SLC28A1: variants seen among roughly 807,000 people sequenced by gnomAD.
SLC28A1 encodes the protein sodium/nucleoside cotransporter 1.
In SLC28A1, 64 loss-of-function variants were observed where a neutral mutation model predicts 74.8. The observed-to-expected ratio is 0.86, with a 90% CI of 0.70 to 1.05. The LOEUF is 1.05. Among genes scored for constraint, SLC28A1 ranks in the 50% least tolerant of loss-of-function variants. The pLI is 0.00. For synonymous variants in SLC28A1, 359 were observed against 335.0 expected, an observed-to-expected ratio of 1.07 and a Z score of -0.78; for missense variants, 828 against 822.8, an observed-to-expected ratio of 1.01 and a Z score of -0.08.
At chr15:84,934,158 GACAA>G (rs991242559) in intron 13 of SLC28A1, among the ~76,000 whole-genome samples, 17 of 152,176 alleles carry the variant, frequency 1.1e-4, no homozygotes, top group African/African-American at 4.1e-4. Context: ...GTTTCCGAAG[GACAA>G]ACATTCAGAC....
chr15:84,908,601 A>AAGGGC, intron 8 of SLC28A1, 117 bp from the exon 9 acceptor site: 1 of 806,378 alleles, frequency 1.2e-6, no homozygotes, highest in South Asian at 1.4e-5. Flanking sequence ...CCCCCCGGAT[A>AAGGGC]AGGGCCTGGG....
intron 11 of SLC28A1, among the ~76,000 whole-genome samples, chr15:84,922,678 C>T (rs1969980211): frequency 6.6e-6 from 1 of 152,224 alleles, no homozygotes; most frequent in Admixed American, 6.5e-5. Flanking sequence ...GCGTGCCCCT[C>T]ACCGTGGCTT....
intron 13 of SLC28A1, among the ~76,000 whole-genome samples, chr15:84,933,961 C>T (rs764636951): frequency 2.0e-5 from 3 of 152,066 alleles, no homozygotes; most frequent in East Asian, 1.9e-4. Flanking sequence ...GGCAACAGAG[C>T]GAAACTCCGT....
the SLC28A1 span, among the ~76,000 whole-genome samples, chr15:84,969,662 C>T: frequency 6.6e-6 from 1 of 152,234 alleles, no homozygotes; most frequent in Non-Finnish European, 1.5e-5. Context: ...TCATCCAATA[C>T]TGTAATCTTT....
chr15:84,947,131 T>G (rs2079259521), downstream of SLC28A1, among the ~76,000 whole-genome samples: 1 of 152,250 alleles, frequency 6.6e-6, no homozygotes, highest in African/African-American at 2.4e-5. Flanking sequence ...CAGGCTGACC[T>G]GGGTCCCCAT....
the SLC28A1 span, among the ~76,000 whole-genome samples, chr15:84,968,505 A>G: frequency 6.6e-6 from 1 of 152,198 alleles, no homozygotes; most frequent in Non-Finnish European, 1.5e-5. Flanking sequence ...TTCCTCCACA[A>G]TGGGTGACCC....
At chr15:84,937,999 A>G (rs1596352982) in intron 15 of SLC28A1, among the ~76,000 whole-genome samples, 3 of 152,184 alleles carry the variant, frequency 2.0e-5, no homozygotes, top group Admixed American at 6.5e-5. Flanking sequence ...CAGGAGTTTG[A>G]GACCAACCTG....
the SLC28A1 span, among the ~76,000 whole-genome samples, chr15:84,973,865 A>C: frequency 7.7e-4 from 118 of 152,316 alleles, no homozygotes; most frequent in African/African-American, 2.7e-3. Flanking sequence ...GTCTAGGCCC[A>C]GCCTACTGCC....
In SLC28A1 at chr15:84,890,511, T is replaced by C. The variant is rs143995891; in HGVS notation, c.254T>C (p.Ile85Thr). 642 of 1,611,240 alleles carry C rather than the reference T, an allele frequency of 4.0e-4. No homozygotes were observed. The highest frequency in any genetic ancestry group is 5.0e-4 in the Non-Finnish European group (584 of 1,179,652). The change falls in exon 5 of 19, where the codon ATC (isoleucine) becomes ACC (threonine). Residue 85 changes from isoleucine (I) to threonine (T), a missense_variant. Physicochemically the swap from Ile to Thr is moderately conservative, Grantham distance 89. Transcript: ENST00000394573. ...CREHMQLFRW[I>T]GTGLLCTGLS... ...GAGCACATGCAGCTGTTTCGATGGA[T>C]CGGCACAGGCCTGCTCTGCACTGGT...
At chr15:84,969,450 G>C in the SLC28A1 span, among the ~76,000 whole-genome samples, 1 of 152,226 alleles carries the variant, frequency 6.6e-6, no homozygotes, top group African/African-American at 2.4e-5. Flanking sequence ...TGGGAGCACA[G>C]TGGCTGGGTT....
At chr15:84,918,750 C>G (rs989503531) in intron 10 of SLC28A1, 146 bp downstream of exon 10, 47 of 735,100 alleles carry the variant, frequency 6.4e-5, no homozygotes, top group Non-Finnish European at 4.9e-6. Flanking sequence ...GTCCCCTGTT[C>G]CCAGTGCCTC....
the SLC28A1 span, among the ~76,000 whole-genome samples, chr15:84,956,756 T>C: frequency 6.6e-6 from 1 of 151,520 alleles, no homozygotes; most frequent in Non-Finnish European, 1.5e-5. Flanking sequence ...TTTCCTGCCA[T>C]GGCCTCCCAA....
chr15:84,941,586 G>A (rs6496546), intron 15 of SLC28A1, among the ~76,000 whole-genome samples: 137,263 of 152,094 alleles, frequency 0.9, 62,117 homozygotes, highest in African/African-American at 0.96. Flanking sequence ...AACTTATAAC[G>A]TTATCTGGAA....
intron 9 of SLC28A1, among the ~76,000 whole-genome samples, chr15:84,910,706 C>T (rs1207170248): frequency 7.9e-5 from 12 of 152,076 alleles, no homozygotes; most frequent in Admixed American, 7.2e-4. Context: ...CCAGCCTGGG[C>T]AACAAGAGCG....
At chr15:84,905,100 CG>C (rs1966894781) in intron 7 of SLC28A1, among the ~76,000 whole-genome samples, 1 of 152,104 alleles carries the variant, frequency 6.6e-6, no homozygotes, top group Non-Finnish European at 1.5e-5. Flanking sequence ...TGGAGAGAGT[CG>C]GGGTCGAGGC....
intron 6 of SLC28A1, among the ~76,000 whole-genome samples, chr15:84,901,331 A>G (rs1481858501): frequency 6.6e-6 from 1 of 152,176 alleles, no homozygotes; most frequent in Non-Finnish European, 1.5e-5. Context: ...ATATGGTGAA[A>G]CCCCATCTCT....
downstream of SLC28A1, among the ~76,000 whole-genome samples, chr15:84,950,077 C>G (rs370640668): frequency 6.6e-6 from 1 of 152,074 alleles, no homozygotes; most frequent in Admixed American, 6.5e-5. Context: ...GATGGGGAGG[C>G]AGCACAGCCA....
downstream of SLC28A1, among the ~76,000 whole-genome samples, chr15:84,949,544 G>T (rs891255129): frequency 6.7e-6 from 1 of 149,142 alleles, no homozygotes; most frequent in Admixed American, 6.7e-5. Flanking sequence ...GACTACAGGT[G>T]TGTGCCACCA....
At chr15:84,951,279 C>T in the SLC28A1 span, among the ~76,000 whole-genome samples, 18 of 152,012 alleles carry the variant, frequency 1.2e-4, no homozygotes, top group Admixed American at 7.2e-4. Context: ...GAAACCCCTT[C>T]GAGAAAAATT....
Sources: allele counts gnomAD v4.1 joint callset (sites outside exome capture counted in the v4.1 genomes callset), GRCh38; gene constraint gnomAD v4.1.1; transcripts MANE v1.5; gene names NCBI Gene and HGNC (gene_info 2026-07-23, HGNC 2026-07-21).